Variants in DLG2 observed in about 807,000 individuals in gnomAD.
DLG2 encodes discs large MAGUK scaffold protein 2.
DLG2 carries 45 observed loss-of-function variants against 132.5 expected under a neutral mutation model. That is an observed-to-expected ratio of 0.34 (90% CI 0.27 to 0.44). The LOEUF (loss-of-function observed/expected upper bound fraction) is 0.44. Ranked by LOEUF, DLG2 falls within the 20% of genes least tolerant of loss-of-function variation. The pLI is 1.00. For synonymous variants in DLG2, 424 were observed against 419.6 expected, an observed-to-expected ratio of 1.01 and a Z score of -0.13; for missense variants, 1,045 against 1,196.9, an observed-to-expected ratio of 0.87 and a Z score of 1.87.
chr11:84,799,045 T>C (rs2075042098), intron 6 of DLG2, among the ~76,000 whole-genome samples: 1 of 152,152 alleles, frequency 6.6e-6, no homozygotes, highest in Admixed American at 6.5e-5. Flanking sequence ...ATGGCACAAG[T>C]ACTCCCTGAG....
intron 11 of DLG2, among the ~76,000 whole-genome samples, chr11:84,054,866 C>A (rs1452924629): frequency 6.6e-6 from 1 of 151,994 alleles, no homozygotes; most frequent in Non-Finnish European, 1.5e-5. Context: ...CAAACACAAT[C>A]CCCAAACTGA....
intron 9 of DLG2, among the ~76,000 whole-genome samples, chr11:84,135,450 T>C (rs756197): frequency 0.65 from 98,993 of 152,002 alleles, 34,512 homozygotes; most frequent in Middle Eastern, 0.8. Flanking sequence ...GGTCAGTAAA[T>C]CTTGACGAAG....
intron 18 of DLG2, among the ~76,000 whole-genome samples, chr11:83,775,617 T>A (rs951004485): frequency 6.6e-6 from 1 of 152,210 alleles, no homozygotes. Flanking sequence ...CCATTCTCTC[T>A]ACATCTTTCT....
intron 6 of DLG2, among the ~76,000 whole-genome samples, chr11:84,541,598 C>T (rs2099371037): frequency 6.6e-6 from 1 of 152,000 alleles, no homozygotes; most frequent in Non-Finnish European, 1.5e-5. Context: ...CCCTAGTAGC[C>T]CACAAATGCC....
chr11:84,670,291 C>T (rs117066929), intron 6 of DLG2, among the ~76,000 whole-genome samples: 1 of 152,034 alleles, frequency 6.6e-6, no homozygotes, highest in Admixed American at 6.6e-5. Flanking sequence ...CAGGCTCTCT[C>T]TCTCTCCTTC....
At chr11:85,420,037 T>C (rs917578205) in intron 3 of DLG2, among the ~76,000 whole-genome samples, 1 of 152,352 alleles carries the variant, frequency 6.6e-6, no homozygotes, top group African/African-American at 2.4e-5. Flanking sequence ...ATTTTCAGCT[T>C]TTTTGTGCTG....
chr11:83,650,016 T>A (rs2069625244), intron 18 of DLG2, among the ~76,000 whole-genome samples: 1 of 152,222 alleles, frequency 6.6e-6, no homozygotes, highest in African/African-American at 2.4e-5. Flanking sequence ...CTAGTTATCC[T>A]GATGTTATAA....
intron 3 of DLG2, among the ~76,000 whole-genome samples, chr11:85,341,485 G>A (rs991647692): frequency 1.1e-4 from 17 of 152,112 alleles, no homozygotes; most frequent in African/African-American, 3.1e-4. Flanking sequence ...TGTTTCACCC[G>A]TTCTTGTGCC....
chr11:85,577,888 T>C (rs779832664), intron 3 of DLG2, among the ~76,000 whole-genome samples: 5 of 152,112 alleles, frequency 3.3e-5, no homozygotes, highest in African/African-American at 1.2e-4. Context: ...TAGACAAAAC[T>C]ACTTTAAAAT....
chr11:84,530,156 A>G (rs1351300493), intron 7 of DLG2, among the ~76,000 whole-genome samples: 1 of 152,228 alleles, frequency 6.6e-6, no homozygotes, highest in African/African-American at 2.4e-5. Flanking sequence ...AAGATGGATT[A>G]AAGACTTAAA....
At chr11:84,839,886 C>T (rs2080376474) in intron 6 of DLG2, among the ~76,000 whole-genome samples, 1 of 151,904 alleles carries the variant, frequency 6.6e-6, no homozygotes, top group African/African-American at 2.4e-5. Context: ...CCATAAAAAC[C>T]CTAGAAGAAA....
In DLG2 at chr11:85,085,334, T is replaced by C. The variant is rs552891251; in HGVS notation, c.357+26327A>G. Among the ~76,000 whole-genome samples, 10 of 152,254 alleles carry C rather than the reference T, an allele frequency of 6.6e-5. No individual in the cohort carries two copies. The South Asian group carries it at 1.2e-3, about 19-fold the overall frequency. Reference sequence around the variant, plus strand: ...TCTTAGATATATAGAAACTCCTAGATACTATCTCAAGGACATCTCATGATG... The same window carrying C: ...TCTTAGATATATAGAAACTCCTAGACACTATCTCAAGGACATCTCATGATG... On this transcript the variant is annotated intron_variant, in intron 6 of 27. Transcript: ENST00000376104.
At chr11:85,184,819 G>A (rs1193545867) in intron 4 of DLG2, among the ~76,000 whole-genome samples, 1 of 151,652 alleles carries the variant, frequency 6.6e-6, no homozygotes, top group Non-Finnish European at 1.5e-5. Flanking sequence ...TTCCAGTAGA[G>A]CAAAATGTGA....
At chr11:84,621,289 T>C (rs571012255) in intron 6 of DLG2, among the ~76,000 whole-genome samples, 1 of 152,192 alleles carries the variant, frequency 6.6e-6, no homozygotes, top group Non-Finnish European at 1.5e-5. Flanking sequence ...TGTAGAAAAA[T>C]TACTCTGGCT....
At chr11:85,528,587 G>A (rs2074962971) in intron 3 of DLG2, among the ~76,000 whole-genome samples, 1 of 152,162 alleles carries the variant, frequency 6.6e-6, no homozygotes, top group African/African-American at 2.4e-5. Context: ...ATTTAATCCT[G>A]AGTTGAATTT....
At chr11:85,195,862 G>A (rs2081028833) in intron 4 of DLG2, among the ~76,000 whole-genome samples, 1 of 152,012 alleles carries the variant, frequency 6.6e-6, no homozygotes, top group South Asian at 2.1e-4. Context: ...ACTGGAAATA[G>A]GGACTTAACT....
chr11:84,522,494 A>G (rs754301285), intron 7 of DLG2, among the ~76,000 whole-genome samples: 21 of 152,188 alleles, frequency 1.4e-4, no homozygotes, highest in East Asian at 5.8e-4. Context: ...CACAAACTCT[A>G]ACATACTCAG....
At chr11:85,036,807 T>A (rs2061471654) in intron 6 of DLG2, among the ~76,000 whole-genome samples, 1 of 152,208 alleles carries the variant, frequency 6.6e-6, no homozygotes, top group Non-Finnish European at 1.5e-5. Context: ...GTTCTGACTA[T>A]CTACAACAGG....
chr11:83,594,468 A>G (rs919780303), intron 19 of DLG2, among the ~76,000 whole-genome samples: 1 of 152,222 alleles, frequency 6.6e-6, no homozygotes, highest in African/African-American at 2.4e-5. Flanking sequence ...TTACACAGAC[A>G]TTTCAGATGC....
Sources: gnomAD v4.1 joint callset for allele counts (sites outside exome capture counted in the v4.1 genomes callset) on GRCh38, gnomAD v4.1.1 for gene constraint, MANE v1.5 for transcripts, NCBI Gene and HGNC (gene_info 2026-07-23, HGNC 2026-07-21) for gene names.